The following GRIK2 variants were observed in gnomAD, a reference collection of about 807,000 sequenced individuals.
The protein encoded by GRIK2 is glutamate receptor ionotropic, kainate 2.
In GRIK2, 32 loss-of-function variants were observed where a neutral mutation model predicts 100.3. The observed-to-expected ratio is 0.32, with a 90% CI of 0.24 to 0.43. The LOEUF (loss-of-function observed/expected upper bound fraction) is 0.43. Ranked by LOEUF, GRIK2 falls within the 20% of genes least tolerant of loss-of-function variation. The pLI is 1.00. For synonymous variants in GRIK2, 417 were observed against 389.4 expected, an observed-to-expected ratio of 1.07 and a Z score of -0.83; for missense variants, 843 against 1,114.9, an observed-to-expected ratio of 0.76 and a Z score of 3.47.
At chr6:101,625,421 T>A (rs1003298480) in intron 3 of GRIK2, among the ~76,000 whole-genome samples, 13 of 142,316 alleles carry the variant, frequency 9.1e-5, no homozygotes, top group Admixed American at 2.9e-4. Flanking sequence ...TAAATAAATA[T>A]GAAGTGGGTA....
Position 101,889,683 on chromosome 6 carries a change from G to A in GRIK2, c.1568G>A (p.Arg523Gln). 1 of 1,607,790 alleles carries A rather than the reference G, an allele frequency of 6.2e-7. No homozygotes were observed. The highest frequency in any genetic ancestry group is 8.5e-7 in the Non-Finnish European group (1 of 1,178,600). ...GCTCCACTGGCTATTACCTATGTTC[G>A]AGAGAAGGTCATCGACTTTTCCAAG... ...AVAPLAITYV[R>Q]EKVIDFSKPF... Residue 523 changes from arginine to glutamine, a missense_variant, in exon 12 of 17, where the codon CGA becomes CAA. Around this residue, in one of 3 missense-constraint regions of GRIK2, gnomAD observed 519 missense variants for 643.8 expected, o/e 0.81. Transcript: ENST00000369134.
intron 7 of GRIK2, among the ~76,000 whole-genome samples, chr6:101,698,712 A>G (rs1024569126): frequency 1.3e-5 from 2 of 152,184 alleles, no homozygotes; most frequent in Non-Finnish European, 2.9e-5. Context: ...ATATAAATAA[A>G]TAGATAGATT....
At chr6:101,914,546 C>T (rs190920910) in intron 12 of GRIK2, among the ~76,000 whole-genome samples, 1 of 151,550 alleles carries the variant, frequency 6.6e-6, no homozygotes, top group East Asian at 1.9e-4. Context: ...AATCTGTCGA[C>T]ATTATAGTCC....
At chr6:102,065,060 A>G (rs948598177) in intron 16 of GRIK2, among the ~76,000 whole-genome samples, 2 of 151,302 alleles carry the variant, frequency 1.3e-5, no homozygotes, top group African/African-American at 2.4e-5. Context: ...CATCTTATTC[A>G]AAGAGAAAAT....
intron 5 of GRIK2, among the ~76,000 whole-genome samples, chr6:101,680,443 T>C (rs1771159475): frequency 6.6e-6 from 1 of 152,206 alleles, no homozygotes; most frequent in African/African-American, 2.4e-5. Context: ...CCATGTTTAC[T>C]CACTGTCTCA....
chr6:101,541,376 C>CACACACACACACA (rs775232963), intron 2 of GRIK2, among the ~76,000 whole-genome samples: 4 of 5,588 alleles, frequency 7.2e-4, no homozygotes, highest in African/African-American at 1.1e-3. Context: ...GCGCACACAA[C>CACACACACACACA]CACACACACA....
intron 2 of GRIK2, among the ~76,000 whole-genome samples, chr6:101,439,577 G>A (rs1296646256): frequency 6.6e-6 from 1 of 151,996 alleles, no homozygotes; most frequent in East Asian, 1.9e-4. Flanking sequence ...AAAGACATGG[G>A]ACTTTTCCAT....
At chr6:101,854,517 C>G (rs1784321152) in intron 10 of GRIK2, among the ~76,000 whole-genome samples, 1 of 152,082 alleles carries the variant, frequency 6.6e-6, no homozygotes, top group African/African-American at 2.4e-5. Context: ...ACCTCGACCT[C>G]CCAAACTGTT....
rs536936576 is a variant in GRIK2, at chr6:101,581,632, G to A, written c.116-40317G>A. On this transcript the variant is annotated intron_variant, in intron 2 of 16. Coordinates refer to ENST00000369134, the MANE Select transcript of GRIK2 (RefSeq NM_021956.5). ...ACTGAGCATTAACTATACAACACTA[G>A]TGTAAGTGCTGCTTAAGATAGAGAT... is the stretch of plus-strand genomic sequence containing the variant. 7.2e-5 allele frequency among the ~76,000 whole-genome samples: 11 copies of A among 152,206 alleles called. No individual in the cohort carries two copies. In the East Asian group the frequency reaches 1.7e-3, roughly 24 times the overall value.
chr6:101,925,425 T>C (rs1231026183), intron 13 of GRIK2, among the ~76,000 whole-genome samples: 1 of 152,046 alleles, frequency 6.6e-6, no homozygotes, highest in Non-Finnish European at 1.5e-5. Flanking sequence ...CTCAGTTTTT[T>C]TCAAGCAGAA....
chr6:102,062,525 G>A (rs1345967053), intron 16 of GRIK2, among the ~76,000 whole-genome samples: 24 of 150,400 alleles, frequency 1.6e-4, no homozygotes, highest in South Asian at 2.1e-4. Context: ...GTAGGATCAC[G>A]AAAGATGCTA....
chr6:101,522,068 C>T (rs1157933860), intron 2 of GRIK2, among the ~76,000 whole-genome samples: 1 of 151,920 alleles, frequency 6.6e-6, no homozygotes, highest in African/African-American at 2.4e-5. Flanking sequence ...TCAATATATA[C>T]CTTGCATCTC....
chr6:101,710,278 G>T (rs546600580), intron 7 of GRIK2, among the ~76,000 whole-genome samples: 1 of 151,884 alleles, frequency 6.6e-6, no homozygotes, highest in Admixed American at 6.6e-5. Flanking sequence ...GGGATTGGCA[G>T]TCAGAAGCCT....
At chr6:101,725,828 A>G (rs1311817932) in intron 7 of GRIK2, among the ~76,000 whole-genome samples, 1 of 151,976 alleles carries the variant, frequency 6.6e-6, no homozygotes, top group East Asian at 1.9e-4. Flanking sequence ...CAAATGACAT[A>G]TTGTGTTCAC....
intron 12 of GRIK2, among the ~76,000 whole-genome samples, chr6:101,910,284 T>A (rs1180477314): frequency 2.6e-5 from 4 of 151,268 alleles, no homozygotes; most frequent in African/African-American, 7.3e-5. Flanking sequence ...AATTAAACAG[T>A]CATTTTTATG....
chr6:101,598,189 A>G lies in GRIK2; in HGVS notation c.116-23760A>G, dbSNP rs533962246. On this transcript the variant is annotated intron_variant, in intron 2 of 16. Transcript: ENST00000369134. ...TTCACTTGTATTCTCTCTTGCTTGT[A>G]TATAAACCTGGCTTGTTGCTGAGCT... 2.0e-5 allele frequency among the ~76,000 whole-genome samples: 3 copies of G among 151,774 alleles called. No homozygotes were observed. In the South Asian group the frequency reaches 6.2e-4, roughly 31 times the overall value.
chr6:101,524,965 T>G lies in GRIK2; in HGVS notation c.116-96984T>G, dbSNP rs150807325. Among the ~76,000 whole-genome samples, 423 of 152,198 alleles carry G rather than the reference T, an allele frequency of 2.8e-3. 2 individuals carry two copies. Among genetic ancestry groups the G allele is most frequent in the African/African-American group, 9.5e-3 (393 of 41,532 alleles). On this transcript the variant is annotated intron_variant, in intron 2 of 16. Transcript: ENST00000369134. ...CCAAGCTGGTCTCGAACTCCTGACT[T>G]CAGGCGATCTACCCACCTCGGCCTC...
chr6:101,836,672 T>A (rs1196285721), intron 10 of GRIK2, among the ~76,000 whole-genome samples: 10 of 123,220 alleles, frequency 8.1e-5, no homozygotes, highest in South Asian at 2.9e-4. Flanking sequence ...TTTTTTTTTT[T>A]TTTTTTTTTT....
At chr6:101,507,919 C>T (rs1000804116) in intron 2 of GRIK2, among the ~76,000 whole-genome samples, 1 of 152,064 alleles carries the variant, frequency 6.6e-6, no homozygotes, top group Non-Finnish European at 1.5e-5. Flanking sequence ...CTTACATAAA[C>T]ATTTATTTTG....
Sources: allele counts gnomAD v4.1 joint callset (sites outside exome capture counted in the v4.1 genomes callset), GRCh38; gene constraint gnomAD v4.1.1; regional missense constraint gnomAD v4.1.1; transcripts MANE v1.5; gene names NCBI Gene and HGNC (gene_info 2026-07-23, HGNC 2026-07-21).